LGSN: variants seen among roughly 807,000 people sequenced by gnomAD.
LGSN encodes the protein lengsin, lens protein with glutamine synthetase domain, also known as lengsin.
LGSN carries 21 observed loss-of-function variants against 19.5 expected under a neutral mutation model. The observed-to-expected ratio is 1.07, with a 90% CI of 0.76 to 1.55. The LOEUF is 1.55. Ranked by LOEUF, LGSN falls within the 40% of genes most tolerant of loss-of-function variation. LGSN has a pLI of 0.00. For missense variants in LGSN, 673 were observed against 608.5 expected (o/e 1.11, Z -1.12); for synonymous variants, 257 against 215.6 (o/e 1.19, Z -1.68).
chr6:63,324,698 A>T (rs188865491), upstream of LGSN, among the ~76,000 whole-genome samples: 93 of 151,926 alleles, frequency 6.1e-4, no homozygotes, highest in East Asian at 2.3e-3. Context: ...AGAAGAAAAT[A>T]AAAAAAAATT....
chr6:63,537,190 G>C, the LGSN span, among the ~76,000 whole-genome samples: 1 of 152,102 alleles, frequency 6.6e-6, no homozygotes, highest in Non-Finnish European at 1.5e-5. Context: ...AGAGGGTGGG[G>C]ACAGTAGAAG....
At chr6:63,533,665 G>T in the LGSN span, among the ~76,000 whole-genome samples, 9 of 152,074 alleles carry the variant, frequency 5.9e-5, no homozygotes, top group Non-Finnish European at 1.0e-4. Context: ...AGAATAAATG[G>T]TTATTACTTG....
chr6:63,343,091 G>A, the LGSN span, among the ~76,000 whole-genome samples: 2 of 151,978 alleles, frequency 1.3e-5, no homozygotes, highest in Non-Finnish European at 2.9e-5. Flanking sequence ...TTCCTTAATT[G>A]CAATAATGAC....
chr6:63,473,748 A>G, the LGSN span, among the ~76,000 whole-genome samples: 1 of 147,456 alleles, frequency 6.8e-6, no homozygotes, highest in Non-Finnish European at 1.5e-5. Flanking sequence ...ATTTATCCGC[A>G]TCTGTATATT....
chr6:63,290,058 G>GA lies in LGSN; in HGVS notation c.164-4306dup, dbSNP rs578029027. Among the ~76,000 whole-genome samples, 166 of 143,010 alleles carry GA rather than the reference G, an allele frequency of 1.2e-3. 1 individual carries two copies. Among genetic ancestry groups the GA allele is most frequent in the South Asian group, 2.0e-3 (9 of 4,562 alleles). The allele number at this position is 143,010 out of a possible 152,430, so 93.8% of individuals were successfully genotyped here. ...TGGGAGGGAAAGGGGGCTTTTCTTTGAAAAAAAAAAAGTATTAGTTTTGGA... is the reference window on the plus strand; with the variant it reads ...TGGGAGGGAAAGGGGGCTTTTCTTTGAAAAAAAAAAAAGTATTAGTTTTGGA... On this transcript the variant is annotated intron_variant, in intron 2 of 3. Transcript: ENST00000370657.
the LGSN span, among the ~76,000 whole-genome samples, chr6:63,369,820 T>C: frequency 6.6e-6 from 1 of 152,106 alleles, no homozygotes; most frequent in Non-Finnish European, 1.5e-5. Context: ...CTGGGCAACT[T>C]GGTGAAACCC....
the LGSN span, among the ~76,000 whole-genome samples, chr6:63,455,775 T>C: frequency 6.6e-6 from 1 of 150,992 alleles, no homozygotes; most frequent in African/African-American, 2.4e-5. Context: ...TAAAAATAAA[T>C]AAAAACTCAT....
At chr6:63,313,867 A>AATACATAC (rs1187994076) in intron 1 of LGSN, among the ~76,000 whole-genome samples, 1 of 88,888 alleles carries the variant, frequency 1.1e-5, no homozygotes, top group Non-Finnish European at 2.6e-5. Flanking sequence ...TAAATAAATA[A>AATACATAC]ATACATACAT....
At chr6:63,456,779 C>T in the LGSN span, among the ~76,000 whole-genome samples, 1 of 152,032 alleles carries the variant, frequency 6.6e-6, no homozygotes, top group Non-Finnish European at 1.5e-5. Context: ...TTTATAGCAC[C>T]CCCTTCATCA....
the LGSN span, among the ~76,000 whole-genome samples, chr6:63,519,189 C>G: frequency 1.3e-5 from 2 of 152,052 alleles, no homozygotes; most frequent in African/African-American, 4.8e-5. Context: ...TGCCTGTAAT[C>G]CCAGCTACTC....
At chr6:63,326,399 T>C in the LGSN span, among the ~76,000 whole-genome samples, 4,590 of 152,340 alleles carry the variant, frequency 0.03, 233 homozygotes, top group African/African-American at 0.11. Flanking sequence ...CAGTGGATTC[T>C]GCACCAGGGC....
At position 63,275,998 on chromosome 6, in the gene LGSN, C is replaced by T. The variant is rs1178049176; in HGVS notation, c.*4023G>A. The T allele has an allele frequency of 2.0e-5, 3 of 152,160 alleles. No individual in the cohort carries two copies. Among genetic ancestry groups the T allele is most frequent in the Non-Finnish European group, 4.4e-5 (3 of 68,026 alleles). The allele number at this position is 152,160 out of a possible 1,614,324, so 9.4% of individuals were successfully genotyped here. A position where few individuals can be genotyped will look rare whatever the true frequency, so the allele number is the denominator to read the frequency against. ...TTCTGAGAATTCACATCCTAATTAG[C>T]AATTAGGAAGTATCATGTAAACCCC... On this transcript the variant is annotated 3_prime_UTR_variant, in exon 4 of 4. Transcript: ENST00000370657.
At chr6:63,495,728 G>T in the LGSN span, among the ~76,000 whole-genome samples, 1 of 151,872 alleles carries the variant, frequency 6.6e-6, no homozygotes, top group Non-Finnish European at 1.5e-5. Context: ...GGGATTATAG[G>T]CGTGAGCCAC....
chr6:63,323,384 C>T (rs1769133596), upstream of LGSN, among the ~76,000 whole-genome samples: 2 of 152,132 alleles, frequency 1.3e-5, no homozygotes, highest in Non-Finnish European at 2.9e-5. Flanking sequence ...TTTCTCATCA[C>T]TCATCCCACT....
At chr6:63,300,438 G>A (rs1768140142) in intron 1 of LGSN, among the ~76,000 whole-genome samples, 1 of 152,158 alleles carries the variant, frequency 6.6e-6, no homozygotes, top group South Asian at 2.1e-4. Context: ...AGACTGAGGT[G>A]GGAGCATCAC....
chr6:63,424,355 T>A, the LGSN span, among the ~76,000 whole-genome samples: 1 of 152,030 alleles, frequency 6.6e-6, no homozygotes. Context: ...ATAAAAGAAA[T>A]CTCCAGGCCT....
the LGSN span, among the ~76,000 whole-genome samples, chr6:63,450,529 G>C: frequency 6.9e-6 from 1 of 144,176 alleles, no homozygotes; most frequent in East Asian, 2.0e-4. Flanking sequence ...TGGGCAACAA[G>C]AGCAAAACTA....
At chr6:63,341,951 T>A in the LGSN span, among the ~76,000 whole-genome samples, 35 of 152,208 alleles carry the variant, frequency 2.3e-4, no homozygotes, top group African/African-American at 7.9e-4. Context: ...GGATTCTAAG[T>A]CAAAGGAGCA....
the LGSN span, among the ~76,000 whole-genome samples, chr6:63,502,286 A>G: frequency 1.3e-5 from 2 of 152,220 alleles, no homozygotes; most frequent in East Asian, 1.9e-4. Flanking sequence ...GAGAAAAAGC[A>G]GAGGGTGAAG....
Sources: gnomAD v4.1 joint callset for allele counts (sites outside exome capture counted in the v4.1 genomes callset) on GRCh38, gnomAD v4.1.1 for gene constraint, MANE v1.5 for transcripts, NCBI Gene and HGNC (gene_info 2026-07-23, HGNC 2026-07-21) for gene names.